Variants in MEFV observed in about 807,000 individuals in gnomAD.
The protein encoded by MEFV is pyrin.
Under a neutral mutation model 62.5 loss-of-function variants are expected in MEFV, and 60 were observed. That is an observed-to-expected ratio of 0.96 (90% CI 0.78 to 1.19). MEFV has a LOEUF of 1.19. Among genes scored for constraint, MEFV ranks in the 50% most tolerant of loss-of-function variants. MEFV has a pLI of 0.00. For synonymous variants in MEFV, 500 were observed against 415.2 expected, an observed-to-expected ratio of 1.20 and a Z score of -2.48; for missense variants, 1,169 against 1,004.5, an observed-to-expected ratio of 1.16 and a Z score of -2.21.
rs11466026 is a variant in MEFV, at chr16:3,248,947, G to T, written c.1318C>A (p.Gln440Lys). ...LKKLRKSGEE[Q>K]RSYGEEKAVS... The stretch of plus-strand genomic sequence containing the variant: ...GCCTTCTCCTCCCCATAGGATCGCT[G>T]CTCCTCCCCTGATTTTCTCAGCTTC... Residue 440 changes from glutamine to lysine, a missense_variant, in exon 4 of 10, where the codon CAG becomes AAG. By Grantham distance (53) the Gln-to-Lys change is moderately conservative. Coordinates refer to ENST00000219596, the MANE Select transcript of MEFV (RefSeq NM_000243.3). 1 of 1,614,196 alleles carries T rather than the reference G, an allele frequency of 6.2e-7. No homozygotes were observed. The highest frequency in any genetic ancestry group is 1.3e-5 in the African/African-American group (1 of 75,056).
chr16:3,251,023 C>CAAAAAAAAACA (rs1959024742), intron 2 of MEFV, among the ~76,000 whole-genome samples: 1 of 49,378 alleles, frequency 2.0e-5, no homozygotes, highest in African/African-American at 6.6e-5. Flanking sequence ...GACTCCATCT[C>CAAAAAAAAACA]AAAAAAAAAA....
At position 3,242,379 on chromosome 16, in the gene MEFV, A is replaced by AG. The variant is rs1353585241; in HGVS notation, c.*761dup. On this transcript the variant is annotated 3_prime_UTR_variant, in exon 10 of 10. Transcript: ENST00000219596. ...TTTGTCTCAAAAAAAAAAAAAAAAA[A>AG]GAATCATAGGCCGGGCACAGTGGCT... The AG allele has an allele frequency of 7.0e-6, 1 of 142,234 alleles. No homozygotes were observed. The highest frequency in any genetic ancestry group is 1.5e-5 in the Non-Finnish European group (1 of 66,644). 8.8% of individuals were successfully genotyped at this position (142,234 alleles called of 1,614,324 possible).
Position 3,244,278 on chromosome 16 carries a change from G to A in MEFV, c.1735C>T (p.Arg579Cys), listed in dbSNP as rs762605919. ...KSTKYFSETL[R>C]SEMEMFNVPE... ...CCATTGAACATTTCCATTTCTGAAC[G>A]CAGGGTTTCTAAAATGTGGGAAAGG... Residue 579 changes from arginine to cysteine, a missense_variant, in exon 8 of 10, where the codon CGT becomes TGT. Transcript: ENST00000219596. The A allele has an allele frequency of 2.0e-5, 33 of 1,613,934 alleles. No individual in the cohort carries two copies. The Admixed American group carries it at 3.8e-4, about 19-fold the overall frequency.
At chr16:3,246,695 C>T (rs1437043794) in intron 5 of MEFV, 148 bp from the exon 6 acceptor site, 12 of 888,934 alleles carry the variant, frequency 1.3e-5, no homozygotes, top group Non-Finnish European at 9.1e-6. Flanking sequence ...AAGTGGAGCA[C>T]CTTTCTTCAA....
intron 2 of MEFV, among the ~76,000 whole-genome samples, chr16:3,250,341 G>T (rs1959013591): frequency 6.6e-6 from 1 of 152,232 alleles, no homozygotes; most frequent in African/African-American, 2.4e-5. Context: ...CTGGGTGGTG[G>T]CTCATGCCTA....
chr16:3,254,832 G>C, intron 1 of MEFV, 42 bp from the exon 2 acceptor site: 1 of 1,605,230 alleles, frequency 6.2e-7, no homozygotes, highest in Non-Finnish European at 8.5e-7. Flanking sequence ...GCTGTCCCAC[G>C]TTTAGGGCCC....
chr16:3,256,540 C>T lies in MEFV; in HGVS notation c.48G>A (p.Leu16=), dbSNP rs777381107. Residue 16 remains leucine (L), a synonymous_variant, in exon 1 of 10, where the codon CTG becomes CTA. Coordinates refer to ENST00000219596, the MANE Select transcript of MEFV (RefSeq NM_000243.3). The stretch of plus-strand genomic sequence containing the variant: ...TGAACTTCTCGAAGTCATAGGGCAC[C>T]AGCTCCTCCAGGGTGGACAGCAGAT... ...SDHLLSTLEE[L]VPYDFEKFKF... is the part of the protein sequence containing the mutation. The T allele has an allele frequency of 1.9e-5, 31 of 1,614,086 alleles. No homozygotes were observed. The highest frequency in any genetic ancestry group is 4.0e-5 in the African/African-American group (3 of 74,914).
intron 5 of MEFV, 127 bp downstream of exon 5, chr16:3,246,889 C>T (rs1958950378): frequency 1.1e-6 from 1 of 946,858 alleles, no homozygotes; most frequent in Non-Finnish European, 1.7e-6. Context: ...GTCACCAAGA[C>T]CAAGTCCTAT....
chr16:3,250,974 A>AGATTGCGCCACTGCACTCG (rs1959023292), intron 2 of MEFV, among the ~76,000 whole-genome samples: 1 of 147,468 alleles, frequency 6.8e-6, no homozygotes, highest in African/African-American at 2.6e-5. Context: ...CAGTGAGCTG[A>AGATTGCGCCACTGCACTCG]AGTTGCGCCA....
chr16:3,249,121 C>T (rs948775057), intron 3 of MEFV, 117 bp from the exon 4 acceptor site: 23 of 1,058,486 alleles, frequency 2.2e-5, no homozygotes, highest in Admixed American at 3.6e-5. Flanking sequence ...CTGCTGCCAG[C>T]GGCATGGGGA....
intron 6 of MEFV, 118 bp from the exon 7 acceptor site, chr16:3,244,706 C>T (rs1958913244): frequency 1.3e-6 from 1 of 790,374 alleles, no homozygotes; most frequent in Non-Finnish European, 2.2e-6. Context: ...CTGAGCTACA[C>T]AAAGAAAAGT....
intron 4 of MEFV, chr16:3,248,556 C>G: frequency 2.7e-6 from 1 of 370,304 alleles, no homozygotes; most frequent in South Asian, 2.5e-5. Flanking sequence ...CACCACTGCA[C>G]TACAACCTGG....
intron 2 of MEFV, chr16:3,252,104 G>A (rs1959043887): frequency 3.8e-6 from 1 of 263,540 alleles, no homozygotes. Context: ...AAAATTAGGG[G>A]GGAAATACTT....
rs61752717 is a variant in MEFV at position 3,243,407 on chromosome 16, T to C, written c.2080A>G (p.Met694Val). Residue 694 changes from methionine (M) to valine (V), a missense_variant, in exon 10 of 10, where the codon ATG (methionine) becomes GTG (valine). Coordinates refer to ENST00000219596, the MANE Select transcript of MEFV (RefSeq NM_000243.3). ...GACGCCTGGTACTCATTTTCCTTCA[T>C]CATTATCACCACCCAGTAGCCATTC... ...PENGYWVVIMMKENEYQASSV... is the reference protein window; with the variant it reads ...PENGYWVVIMVKENEYQASSV... 1.8e-4 allele frequency: 285 copies of C among 1,614,154 alleles called. 3 individuals are homozygous for C. The Middle Eastern group carries it at 4.6e-3, about 26-fold the overall frequency.
rs200557537 is a variant in MEFV at position 3,247,075 on chromosome 16, C to G, written c.1528G>C (p.Asp510His). The G allele has an allele frequency of 6.2e-7, 1 of 1,614,192 alleles. No individual in the cohort carries two copies. Among genetic ancestry groups the G allele is most frequent in the Non-Finnish European group, 8.5e-7 (1 of 1,180,030 alleles). The part of the protein sequence containing the change: ...TRVSQDIALL[D>H]ALIGELEAKE... Reference sequence around the variant, plus strand: ...GCCTCCAGTTCCCCAATCAGCGCATCGAGCAGGGCGATGTCCTGGGATACG... The same window carrying G: ...GCCTCCAGTTCCCCAATCAGCGCATGGAGCAGGGCGATGTCCTGGGATACG... The change falls in exon 5 of 10, where the codon GAT becomes CAT. Residue 510 changes from aspartate (D) to histidine (H), a missense_variant. Transcript: ENST00000219596.
In MEFV at chr16:3,242,672, CA is replaced by C. The variant is rs61379197; in HGVS notation, c.*468del. ...TGGGCCACAGAGCAAGATTTGGTCT[CA>C]AAAAAAAAAAAAAAAAATCATAGTT... is the stretch of plus-strand genomic sequence containing the variant. On this transcript the variant is annotated 3_prime_UTR_variant, in exon 10 of 10. Transcript: ENST00000219596. 0.023 allele frequency: 4,136 copies of C among 180,106 alleles called. 49 individuals carry two copies. Among genetic ancestry groups the C allele is most frequent in the African/African-American group, 0.047 (1,859 of 39,322 alleles). 11.2% of individuals were successfully genotyped at this position (180,106 alleles called of 1,614,324 possible).
At position 3,254,364 on chromosome 16, in the gene MEFV, G is replaced by A. The variant is rs757793348; in HGVS notation, c.704C>T (p.Ser235Leu). ...ECRPFEVYLP[S>L]GKMRPRSLEV... The stretch of plus-strand genomic sequence containing the variant: ...AAGGCTTCTAGGTCGCATCTTTCCC[G>A]AGGGCAGGTACACTTCGAAGGGCCT... Residue 235 changes from serine to leucine, a missense_variant, in exon 2 of 10, where the codon TCG (serine) becomes TTG (leucine). Transcript: ENST00000219596. 28 of 1,614,054 alleles carry A rather than the reference G, an allele frequency of 1.7e-5. No individual in the cohort carries two copies. The highest frequency in any genetic ancestry group is 2.1e-5 in the Non-Finnish European group (25 of 1,180,030).
intron 2 of MEFV, among the ~76,000 whole-genome samples, chr16:3,253,781 C>T (rs1959072644): frequency 6.6e-6 from 1 of 152,106 alleles, no homozygotes; most frequent in African/African-American, 2.4e-5. Context: ...TCCGTCTGCT[C>T]AAGTGAACCC....
Position 3,246,564 on chromosome 16 carries a change from G to C in MEFV, c.1588-17C>G. 10 of 1,614,074 alleles carry C rather than the reference G, an allele frequency of 6.2e-6. No individual in the cohort carries two copies. The highest frequency in any genetic ancestry group is 7.6e-6 in the Non-Finnish European group (9 of 1,179,990). ...TCCAATGTCCTAGGAGAAAAAAGAA[G>C]GAAACTGTCGGTTACCAGGCTCCTA... On this transcript the variant is annotated splice_polypyrimidine_tract_variant and intron_variant, in intron 5 of 9. Transcript: ENST00000219596.
Sources: gnomAD v4.1 joint callset for allele counts (sites outside exome capture counted in the v4.1 genomes callset) on GRCh38, gnomAD v4.1.1 for gene constraint, MANE v1.5 for transcripts, NCBI Gene and HGNC (gene_info 2026-07-23, HGNC 2026-07-21) for gene names.